The following ERBB4 variants were observed in gnomAD, a reference collection of about 807,000 sequenced individuals.
ERBB4 encodes the protein erb-b2 receptor tyrosine kinase 4.
A neutral mutation model predicts 158.0 loss-of-function variants in ERBB4; 42 were observed. The observed-to-expected ratio is 0.27, with a 90% CI of 0.21 to 0.34. The LOEUF is 0.34. Among genes scored for constraint, ERBB4 ranks in the 10% least tolerant of loss-of-function variants. The pLI is 1.00. For synonymous variants in ERBB4, 583 were observed against 558.7 expected (o/e 1.04, Z -0.61); for missense variants, 1,333 against 1,624.1 (o/e 0.82, Z 3.08).
chr2:212,063,159 G>A (rs1253734052), intron 2 of ERBB4, among the ~76,000 whole-genome samples: 4 of 152,090 alleles, frequency 2.6e-5, no homozygotes, highest in South Asian at 4.2e-4. Flanking sequence ...AGGAAGTTAG[G>A]TATCAAATCT....
intron 18 of ERBB4, among the ~76,000 whole-genome samples, chr2:211,621,975 T>G (rs988419866): frequency 1.3e-5 from 2 of 151,974 alleles, no homozygotes; most frequent in African/African-American, 4.8e-5. Flanking sequence ...ATAATTCAGG[T>G]GGGGAAAAAT....
chr2:212,474,822 CTT>C lies in ERBB4; in HGVS notation c.82+63625_82+63626del, dbSNP rs539959668. On this transcript the variant is annotated intron_variant, in intron 1 of 27. Transcript: ENST00000342788. The stretch of plus-strand genomic sequence containing the variant: ...CACCATTTCCTGACACCCGGCCATT[CTT>C]TTTTTTTTTTTTTTTTGTCAAGACA... Among the ~76,000 whole-genome samples, 48 of 94,396 alleles carry C rather than the reference CTT, an allele frequency of 5.1e-4. 1 individual carries two copies. Among genetic ancestry groups the C allele is most frequent in the Admixed American group, 1.4e-3 (13 of 9,050 alleles). The allele number at this position is 94,396 out of a possible 152,430, so 61.9% of individuals were successfully genotyped here.
At chr2:212,038,083 G>A (rs542106415) in intron 2 of ERBB4, among the ~76,000 whole-genome samples, 1 of 152,126 alleles carries the variant, frequency 6.6e-6, no homozygotes, top group South Asian at 2.1e-4. Flanking sequence ...ATTATTATGG[G>A]ATAAACTTTC....
chr2:211,450,721 C>T (rs1034555849), intron 20 of ERBB4, among the ~76,000 whole-genome samples: 1 of 152,036 alleles, frequency 6.6e-6, no homozygotes, highest in African/African-American at 2.4e-5. Flanking sequence ...CTCGGAGAGG[C>T]CTTCTCCAAC....
intron 3 of ERBB4, among the ~76,000 whole-genome samples, chr2:211,878,552 C>T (rs770195586): frequency 3.3e-5 from 5 of 150,916 alleles, no homozygotes; most frequent in Admixed American, 6.6e-5. Context: ...TTACAGTTTT[C>T]AGGATAAATA....
At chr2:211,879,856 G>A (rs1395548787) in intron 3 of ERBB4, among the ~76,000 whole-genome samples, 1 of 151,824 alleles carries the variant, frequency 6.6e-6, no homozygotes, top group Non-Finnish European at 1.5e-5. Context: ...GATAATCTTG[G>A]ATAATTGGAA....
At chr2:211,864,485 C>T (rs1410344500) in intron 3 of ERBB4, among the ~76,000 whole-genome samples, 1 of 152,136 alleles carries the variant, frequency 6.6e-6, no homozygotes, top group Admixed American at 6.5e-5. Context: ...TGTAAACTGC[C>T]CCAGCAAAAT....
chr2:211,414,169 T>C (rs922202144), intron 25 of ERBB4, among the ~76,000 whole-genome samples: 7 of 151,968 alleles, frequency 4.6e-5, no homozygotes, highest in African/African-American at 1.7e-4. Flanking sequence ...GGCCAAAATG[T>C]TTTTGATCAT....
chr2:211,845,073 A>G (rs11897618), intron 3 of ERBB4, among the ~76,000 whole-genome samples: 2,235 of 152,220 alleles, frequency 0.015, 59 homozygotes, highest in African/African-American at 0.051. Flanking sequence ...TATTGTCCTC[A>G]AAGAGAGTGG....
intron 3 of ERBB4, among the ~76,000 whole-genome samples, chr2:211,908,822 C>T (rs1325654831): frequency 6.6e-6 from 1 of 151,556 alleles, no homozygotes; most frequent in Non-Finnish European, 1.5e-5. Context: ...TAAGATCATC[C>T]AGAAGCATAT....
At chr2:211,641,978 T>G (rs2070611780) in intron 16 of ERBB4, among the ~76,000 whole-genome samples, 1 of 152,100 alleles carries the variant, frequency 6.6e-6, no homozygotes, top group African/African-American at 2.4e-5. Flanking sequence ...TCTAAGAAGT[T>G]TATCAATAAT....
intron 1 of ERBB4, among the ~76,000 whole-genome samples, chr2:212,529,546 C>CTAA (rs1692635299): frequency 6.6e-6 from 1 of 152,144 alleles, no homozygotes; most frequent in Non-Finnish European, 1.5e-5. Context: ...ATTCAAACAG[C>CTAA]TTACTTTGTG....
chr2:212,401,967 G>C (rs2091219401), intron 1 of ERBB4, among the ~76,000 whole-genome samples: 1 of 152,008 alleles, frequency 6.6e-6, no homozygotes, highest in African/African-American at 2.4e-5. Flanking sequence ...AATAGTTTGA[G>C]GTTTCTCATA....
At chr2:211,590,119 TA>T in intron 19 of ERBB4, among the ~76,000 whole-genome samples, 1 of 150,676 alleles carries the variant, frequency 6.6e-6, no homozygotes, top group Non-Finnish European at 1.5e-5. Flanking sequence ...TAATTTACAC[TA>T]AAAATATCCA....
chr2:212,182,284 A>G (rs1386977086), intron 1 of ERBB4, among the ~76,000 whole-genome samples: 1 of 151,868 alleles, frequency 6.6e-6, no homozygotes, highest in Non-Finnish European at 1.5e-5. Context: ...TTTGCAAATC[A>G]CTGGGGATGG....
rs571770617 is a variant in ERBB4, at chr2:212,131,609, G to A, written c.83-6706C>T. ...AAGAAAGGAATTGCTAAGCTGGCTG[G>A]GATAATTGATCCTGACCACTAAGGA... On this transcript the variant is annotated intron_variant, in intron 1 of 27. Transcript: ENST00000342788. 1.8e-4 allele frequency among the ~76,000 whole-genome samples: 27 copies of A among 152,202 alleles called. No individual in the cohort carries two copies. In the South Asian group the frequency reaches 3.5e-3, roughly 20 times the overall value.
chr2:211,829,806 C>T (rs975590421), intron 3 of ERBB4, among the ~76,000 whole-genome samples: 10 of 152,102 alleles, frequency 6.6e-5, no homozygotes, highest in South Asian at 2.1e-4. Context: ...GCCTAACATA[C>T]GCCTGCTTCT....
chr2:212,211,785 T>C (rs751191049), intron 1 of ERBB4, among the ~76,000 whole-genome samples: 14 of 151,950 alleles, frequency 9.2e-5, no homozygotes, highest in Non-Finnish European at 2.1e-4. Flanking sequence ...TGTGTCTGTG[T>C]GTTCTCACTT....
intron 1 of ERBB4, among the ~76,000 whole-genome samples, chr2:212,250,050 A>T (rs2106045840): frequency 6.6e-6 from 1 of 152,120 alleles, no homozygotes; most frequent in Admixed American, 6.6e-5. Context: ...CATTGAACCT[A>T]AATCTAACTT....
Sources: allele counts gnomAD v4.1 joint callset (sites outside exome capture counted in the v4.1 genomes callset), GRCh38; gene constraint gnomAD v4.1.1; transcripts MANE v1.5; gene names NCBI Gene and HGNC (gene_info 2026-07-23, HGNC 2026-07-21).